MGST1: variants seen among roughly 807,000 people sequenced by gnomAD.
The protein encoded by MGST1 is glutathione S-transferase 12.
In MGST1, 5 loss-of-function variants were observed where a neutral mutation model predicts 8.9. That is an observed-to-expected ratio of 0.56 (90% CI 0.29 to 1.19). The LOEUF (loss-of-function observed/expected upper bound fraction) is 1.19. Ranked by LOEUF, MGST1 falls within the 50% of genes most tolerant of loss-of-function variation. The pLI is 0.08. For synonymous variants in MGST1, 54 were observed against 67.8 expected, an observed-to-expected ratio of 0.80 and a Z score of 1.00; for missense variants, 182 against 187.4, an observed-to-expected ratio of 0.97 and a Z score of 0.17.
intron 4 of MGST1, among the ~76,000 whole-genome samples, chr12:16,508,382 A>G (rs1219555655): frequency 6.6e-6 from 1 of 152,134 alleles, no homozygotes; most frequent in Non-Finnish European, 1.5e-5. Context: ...GCATTATTAC[A>G]TGAAATCAAA....
intron 4 of MGST1, among the ~76,000 whole-genome samples, chr12:16,541,255 C>T (rs541494510): frequency 1.3e-5 from 2 of 151,658 alleles, no homozygotes; most frequent in East Asian, 1.9e-4. Flanking sequence ...TTTTTTTTCC[C>T]TGCAAACAGA....
Position 16,513,785 on chromosome 12 carries a change from C to A in MGST1, n.483-75743C>A. On this transcript the variant is annotated intron_variant and non_coding_transcript_variant, in intron 4 of 4. Transcript: ENST00000538857. This position sits in a 1 kb window ranked among gnomAD's most constrained non-coding sequence, Gnocchi z 4.2. ...GTCACTGTGCAGACCATTTCTGGAA[C>A]TAGTGCCTTAAGGATCAGAGCTAGT... 1 of 597,050 alleles carries A rather than the reference C, an allele frequency of 1.7e-6. No individual in the cohort carries two copies. The highest frequency in any genetic ancestry group is 3.3e-6 in the Non-Finnish European group (1 of 301,966). The allele number at this position is 597,050 out of a possible 1,614,324, so 37.0% of individuals were successfully genotyped here.
chr12:16,457,278 A>C (rs1349331765), intron 4 of MGST1, among the ~76,000 whole-genome samples: 1 of 152,006 alleles, frequency 6.6e-6, no homozygotes, highest in Non-Finnish European at 1.5e-5. Context: ...CATGTACATT[A>C]CATTTATATG....
intron 4 of MGST1, among the ~76,000 whole-genome samples, chr12:16,463,678 T>C (rs1375924280): frequency 6.6e-6 from 1 of 151,900 alleles, no homozygotes; most frequent in Non-Finnish European, 1.5e-5. Context: ...CTCTTAAAAA[T>C]AGATTCTACT....
rs1046014584 is a variant in MGST1 at position 16,458,557 on chromosome 12, T to C, written n.482+74953T>C. Among the ~76,000 whole-genome samples the C allele has an allele frequency of 2.0e-5, 3 of 152,068 alleles. No individual in the cohort carries two copies. The highest frequency in any genetic ancestry group is 1.5e-5 in the Non-Finnish European group (1 of 67,992). ...TTAGGAAGGGTGTTAGTTCACTTCA[T>C]TGCTTTATCAATGAATCTTGGCTGT... On this transcript the variant is annotated intron_variant and non_coding_transcript_variant, in intron 4 of 4. Coordinates refer to the MGST1 transcript ENST00000538857. This position sits in a 1 kb window ranked among gnomAD's most constrained non-coding sequence, Gnocchi z 4.0.
intron 4 of MGST1, among the ~76,000 whole-genome samples, chr12:16,545,599 T>G (rs988618900): frequency 5.3e-5 from 8 of 152,098 alleles, no homozygotes; most frequent in African/African-American, 1.9e-4. Context: ...TTTATCCTTA[T>G]GCTGAAACTC....
chr12:16,564,431 A>G (rs1321138199), intron 4 of MGST1, among the ~76,000 whole-genome samples: 1 of 152,230 alleles, frequency 6.6e-6, no homozygotes, highest in Admixed American at 6.5e-5. Flanking sequence ...GGTTTAGTGT[A>G]TATCCATTTC....
chr12:16,395,780 C>CATATATATAT (rs369986291), intron 1 of MGST1, among the ~76,000 whole-genome samples: 75 of 121,848 alleles, frequency 6.2e-4, no homozygotes, highest in African/African-American at 1.5e-3. Flanking sequence ...AGTATTCCAT[C>CATATATATAT]ATATATATAT....
intron 4 of MGST1, among the ~76,000 whole-genome samples, chr12:16,470,619 T>C (rs1941284652): frequency 6.6e-6 from 1 of 152,186 alleles, no homozygotes; most frequent in South Asian, 2.1e-4. Flanking sequence ...CCAGTATAGA[T>C]ATGATGAAGA....
chr12:16,421,759 G>A (rs1940838102), intron 1 of MGST1, among the ~76,000 whole-genome samples: 1 of 152,136 alleles, frequency 6.6e-6, no homozygotes, highest in African/African-American at 2.4e-5. Flanking sequence ...TGTCATGATG[G>A]TGGGTCAAAG....
chr12:16,529,625 G>A (rs1941710182), intron 4 of MGST1, among the ~76,000 whole-genome samples: 1 of 152,000 alleles, frequency 6.6e-6, no homozygotes, highest in African/African-American at 2.4e-5. Flanking sequence ...CCACTTAAGA[G>A]ATGGCCAATG....
chr12:16,581,462 A>G (rs1472465574), intron 4 of MGST1, among the ~76,000 whole-genome samples: 2 of 152,214 alleles, frequency 1.3e-5, no homozygotes, highest in Non-Finnish European at 2.9e-5. Flanking sequence ...GAAAAATAAT[A>G]CTAAAATATA....
intron 4 of MGST1, chr12:16,549,630 C>A (rs184298778): frequency 8.4e-4 from 127 of 152,068 alleles, no homozygotes; most frequent in Non-Finnish European, 1.2e-3. Context: ...TACAAGTGAT[C>A]AAGAAAAAAA....
At chr12:16,377,902 A>G (rs1313585544), downstream of MGST1, among the ~76,000 whole-genome samples, 3 of 151,052 alleles carry the variant, frequency 2.0e-5, no homozygotes, top group Non-Finnish European at 4.4e-5. Flanking sequence ...GCCAGTGATG[A>G]TGAGCATTTT....
In MGST1 at chr12:16,477,597, A is replaced by G. The variant is rs544696296; in HGVS notation, n.482+93993A>G. 2.6e-5 allele frequency among the ~76,000 whole-genome samples: 4 copies of G among 152,334 alleles called. No homozygotes were observed. The East Asian group carries it at 7.7e-4, about 29-fold the overall frequency. ...GTATACTACTCAACTGTATTTGAACAATGATATTTGTAGAATAGGTAGATG... is the reference window on the plus strand; with the variant it reads ...GTATACTACTCAACTGTATTTGAACGATGATATTTGTAGAATAGGTAGATG... On this transcript the variant is annotated intron_variant and non_coding_transcript_variant, in intron 4 of 4. Coordinates refer to the MGST1 transcript ENST00000538857.
At position 16,559,891 on chromosome 12, in the gene MGST1, G is replaced by T. The variant is rs1335225705; in HGVS notation, n.483-29637G>T. Among the ~76,000 whole-genome samples the T allele has an allele frequency of 6.6e-6, 1 of 152,012 alleles. No homozygotes were observed. Among genetic ancestry groups the T allele is most frequent in the Non-Finnish European group, 1.5e-5 (1 of 68,028 alleles). ...GCAGGAGGATTGCTTGAGCACAGAA[G>T]TTGAGGCTGCATGAGCCATGTTAGT... On this transcript the variant is annotated intron_variant and non_coding_transcript_variant, in intron 4 of 4. Coordinates refer to the MGST1 transcript ENST00000538857. The surrounding 1 kb of genome is among the most constrained non-coding windows in gnomAD (Gnocchi z 4.1).
intron 4 of MGST1, among the ~76,000 whole-genome samples, chr12:16,564,041 C>T (rs1176966234): frequency 2.0e-5 from 3 of 152,076 alleles, no homozygotes; most frequent in Non-Finnish European, 4.4e-5. Flanking sequence ...TGACAAGTAC[C>T]GGCCATACAA....
intron 4 of MGST1, among the ~76,000 whole-genome samples, chr12:16,569,101 A>G (rs1942721111): frequency 6.6e-6 from 1 of 152,194 alleles, no homozygotes; most frequent in Admixed American, 6.5e-5. Flanking sequence ...TTCCTGCTCC[A>G]TGAAGACAGC....
At chr12:16,540,071 C>G (rs1013106398) in intron 4 of MGST1, among the ~76,000 whole-genome samples, 1 of 152,182 alleles carries the variant, frequency 6.6e-6, no homozygotes, top group African/African-American at 2.4e-5. Context: ...ATAGCTGACA[C>G]TCTTAAAGTT....
Sources: gnomAD v4.1 joint callset for allele counts (sites outside exome capture counted in the v4.1 genomes callset) on GRCh38, gnomAD v4.1.1 for gene constraint, Gnocchi (gnomAD v3.1) non-coding constraint, MANE v1.5 for transcripts, NCBI Gene and HGNC (gene_info 2026-07-23, HGNC 2026-07-21) for gene names.